RALYL: variants seen among roughly 807,000 people sequenced by gnomAD.
RALYL encodes the protein RALY RNA binding protein like, also known as RNA-binding Raly-like protein.
RALYL carries 29 observed loss-of-function variants against 35.1 expected under a neutral mutation model. The ratio of observed to expected loss-of-function variants is 0.83; its 90% CI spans 0.61 to 1.13. RALYL has a LOEUF of 1.13. Ranked by LOEUF, RALYL falls within the 50% of genes most tolerant of loss-of-function variation. The probability of loss-of-function intolerance (pLI) is 0.00; values close to 1 mark genes in which losing one functional copy is unlikely to be tolerated. For missense variants in RALYL, 359 were observed against 360.4 expected, an observed-to-expected ratio of 1.00 and a Z score of 0.03; for synonymous variants, 120 against 127.6, an observed-to-expected ratio of 0.94 and a Z score of 0.40.
At chr8:84,556,250 T>A (rs1343091558) in intron 2 of RALYL, among the ~76,000 whole-genome samples, 1 of 152,188 alleles carries the variant, frequency 6.6e-6, no homozygotes, top group African/African-American at 2.4e-5. Context: ...GAGGGTGAGA[T>A]GGAAAGCATA....
At chr8:84,909,053 C>G (rs979462218) in intron 8 of RALYL, among the ~76,000 whole-genome samples, 2 of 152,126 alleles carry the variant, frequency 1.3e-5, no homozygotes, top group African/African-American at 4.8e-5. Context: ...GCAGATGGCC[C>G]TCTAGGTCAC....
chr8:84,842,619 G>A (rs1435893942), intron 4 of RALYL, among the ~76,000 whole-genome samples: 2 of 152,172 alleles, frequency 1.3e-5, no homozygotes, highest in African/African-American at 4.8e-5. Context: ...CTAATTTTAT[G>A]AGGCCTGCAT....
chr8:84,615,832 G>A (rs923777573), intron 2 of RALYL, among the ~76,000 whole-genome samples: 3 of 115,776 alleles, frequency 2.6e-5, no homozygotes, highest in African/African-American at 1.1e-4. Flanking sequence ...ACCTATGAGT[G>A]AGAATATGCG....
At chr8:84,636,806 G>T (rs1322238501) in intron 2 of RALYL, among the ~76,000 whole-genome samples, 1 of 151,824 alleles carries the variant, frequency 6.6e-6, no homozygotes, top group Non-Finnish European at 1.5e-5. Flanking sequence ...CAAATGTGAG[G>T]AGGGAAACCA....
At chr8:84,555,347 TCTCTC>T (rs1195416312) in intron 2 of RALYL, among the ~76,000 whole-genome samples, 3 of 152,124 alleles carry the variant, frequency 2.0e-5, no homozygotes, top group Admixed American at 1.3e-4. Flanking sequence ...GTTTAACACT[TCTCTC>T]CTCATCTAGA....
intron 2 of RALYL, among the ~76,000 whole-genome samples, chr8:84,654,265 T>A (rs1465079052): frequency 8.0e-5 from 7 of 87,542 alleles, no homozygotes; most frequent in African/African-American, 2.6e-4. Context: ...GTATATCTCA[T>A]GTTCCATATA....
chr8:84,553,942 C>A (rs2060921525), intron 2 of RALYL, among the ~76,000 whole-genome samples: 1 of 152,150 alleles, frequency 6.6e-6, no homozygotes, highest in South Asian at 2.1e-4. Context: ...TCTTTCCATA[C>A]ACATAACTAT....
chr8:84,706,157 T>C, intron 2 of RALYL: 1 of 1,140,278 alleles, frequency 8.8e-7, no homozygotes, highest in Non-Finnish European at 1.3e-6. Context: ...AGATACATCC[T>C]GGTAGTAGAA....
chr8:84,674,373 C>G (rs1833809772), intron 2 of RALYL, among the ~76,000 whole-genome samples: 1 of 152,130 alleles, frequency 6.6e-6, no homozygotes, highest in Non-Finnish European at 1.5e-5. Flanking sequence ...ATTTCTTTCT[C>G]TTGCCTGATT....
At chr8:84,577,560 T>A (rs950250140) in intron 2 of RALYL, among the ~76,000 whole-genome samples, 2 of 152,226 alleles carry the variant, frequency 1.3e-5, no homozygotes, top group African/African-American at 4.8e-5. Context: ...TTTACTAAAA[T>A]AATAACTTTT....
chr8:84,763,006 T>C (rs1457160296), intron 2 of RALYL, among the ~76,000 whole-genome samples: 1 of 152,178 alleles, frequency 6.6e-6, no homozygotes, highest in African/African-American at 2.4e-5. Flanking sequence ...AGGAAAAGAT[T>C]TAAGCTAAAT....
chr8:84,212,456 A>G lies in RALYL; in HGVS notation c.-24+28032A>G, dbSNP rs113373156. ...CAGTGTTTATTTTAAAAAATTATTC[A>G]TAGAGACATGTAATAAGTAACATGA... On this transcript the variant is annotated intron_variant, in intron 1 of 8. Coordinates refer to ENST00000521268, the MANE Select transcript of RALYL (RefSeq NM_173848.7). 3.1e-3 allele frequency among the ~76,000 whole-genome samples: 477 copies of G among 152,260 alleles called. 3 individuals are homozygous for G. Among genetic ancestry groups the G allele is most frequent in the African/African-American group, 0.011 (461 of 41,562 alleles).
At chr8:84,333,058 A>C (rs990330185) in intron 1 of RALYL, among the ~76,000 whole-genome samples, 2 of 152,202 alleles carry the variant, frequency 1.3e-5, no homozygotes, top group East Asian at 3.8e-4. Flanking sequence ...CAGAAGAGTC[A>C]TGATAGCTAC....
intron 2 of RALYL, among the ~76,000 whole-genome samples, chr8:84,664,082 C>G (rs1831444517): frequency 6.6e-6 from 1 of 151,948 alleles, no homozygotes; most frequent in South Asian, 2.1e-4. Flanking sequence ...AATCCTTTCC[C>G]CATTGCTTGT....
intron 2 of RALYL, among the ~76,000 whole-genome samples, chr8:84,682,483 G>A (rs1051646872): frequency 6.6e-6 from 1 of 152,110 alleles, no homozygotes; most frequent in Non-Finnish European, 1.5e-5. Context: ...ACGTTTTTTG[G>A]TTGGTAGGCT....
At chr8:84,557,470 A>G (rs2061205996) in intron 2 of RALYL, among the ~76,000 whole-genome samples, 1 of 152,206 alleles carries the variant, frequency 6.6e-6, no homozygotes, top group African/African-American at 2.4e-5. Flanking sequence ...GACTATTGTG[A>G]CTTCTTTTAT....
intron 4 of RALYL, among the ~76,000 whole-genome samples, chr8:84,817,525 T>A (rs1438834583): frequency 6.8e-6 from 1 of 146,644 alleles, no homozygotes; most frequent in Non-Finnish European, 1.5e-5. Flanking sequence ...AGGTAGTAAC[T>A]AATCTTTTAT....
chr8:84,402,088 G>T (rs2042976826), intron 1 of RALYL, among the ~76,000 whole-genome samples: 2 of 152,086 alleles, frequency 1.3e-5, no homozygotes, highest in Non-Finnish European at 2.9e-5. Flanking sequence ...TGAGAAAAAT[G>T]GTACTGGCTT....
intron 1 of RALYL, among the ~76,000 whole-genome samples, chr8:84,487,007 C>T (rs931561483): frequency 2.0e-5 from 3 of 151,982 alleles, no homozygotes; most frequent in African/African-American, 7.2e-5. Flanking sequence ...ATAGTTAGGA[C>T]CACCACAGGC....
Sources: allele counts gnomAD v4.1 joint callset (sites outside exome capture counted in the v4.1 genomes callset), GRCh38; gene constraint gnomAD v4.1.1; transcripts MANE v1.5; gene names NCBI Gene and HGNC (gene_info 2026-07-23, HGNC 2026-07-21).